The following DPY19L2 variants were observed in gnomAD, a reference collection of about 807,000 sequenced individuals.
DPY19L2 encodes dpy-19 like 2.
DPY19L2 carries 34 observed loss-of-function variants against 97.9 expected under a neutral mutation model. That is an observed-to-expected ratio of 0.35 (90% CI 0.26 to 0.46). DPY19L2 has a LOEUF of 0.46. DPY19L2 is among the 20% of genes least tolerant of loss of function. The pLI is 1.00. For missense variants in DPY19L2, 623 were observed against 911.4 expected, an observed-to-expected ratio of 0.68 and a Z score of 4.07; for synonymous variants, 230 against 307.9, an observed-to-expected ratio of 0.75 and a Z score of 2.65.
intron 19 of DPY19L2, among the ~76,000 whole-genome samples, chr12:63,576,988 G>A (rs1231806199): frequency 6.6e-6 from 1 of 152,006 alleles, no homozygotes; most frequent in Non-Finnish European, 1.5e-5. Flanking sequence ...GCTACCCTGA[G>A]CAAGAAGAAC....
At chr12:63,650,322 C>G (rs1894027035) in intron 4 of DPY19L2, among the ~76,000 whole-genome samples, 1 of 152,058 alleles carries the variant, frequency 6.6e-6, no homozygotes, top group African/African-American at 2.4e-5. Context: ...CCAGCCAGAG[C>G]AATCAGGCAA....
chr12:63,583,598 T>G (rs1881304712), intron 17 of DPY19L2, among the ~76,000 whole-genome samples: 1 of 152,340 alleles, frequency 6.6e-6, no homozygotes, highest in Admixed American at 6.5e-5. Context: ...AATTCTGTAC[T>G]ATAGTCATAA....
intron 12 of DPY19L2, among the ~76,000 whole-genome samples, chr12:63,603,932 A>T (rs1885607844): frequency 6.6e-6 from 1 of 152,208 alleles, no homozygotes; most frequent in Non-Finnish European, 1.5e-5. Flanking sequence ...GTACAAAAAC[A>T]GGCACATAGA....
intron 19 of DPY19L2, among the ~76,000 whole-genome samples, chr12:63,578,367 T>C (rs1488504054): frequency 6.6e-6 from 1 of 151,984 alleles, no homozygotes; most frequent in Non-Finnish European, 1.5e-5. Context: ...ACAAACAAAA[T>C]AGAATGGATA....
chr12:63,585,560 G>T (rs61935051), intron 16 of DPY19L2, among the ~76,000 whole-genome samples: 2 of 151,872 alleles, frequency 1.3e-5, no homozygotes, highest in African/African-American at 4.8e-5. Flanking sequence ...TTCTCCACTT[G>T]TCCCGAAATC....
At position 63,636,106 on chromosome 12, in the gene DPY19L2, G is replaced by C. The variant is rs569518983; in HGVS notation, c.803+8297C>G. On this transcript the variant is annotated intron_variant, in intron 6 of 21. Coordinates refer to ENST00000324472, the MANE Select transcript of DPY19L2 (RefSeq NM_173812.5). ...TGGCAGAAACTCTACAAGCCAGAAG[G>C]GGGGGCGGCCAATATTCAACATTCT... Among the ~76,000 whole-genome samples, 300 of 150,814 alleles carry C rather than the reference G, an allele frequency of 2.0e-3. 1 individual carries two copies. The highest frequency in any genetic ancestry group is 7.0e-3 in the African/African-American group (289 of 41,290).
chr12:63,615,688 A>C (rs1424264256), intron 11 of DPY19L2, among the ~76,000 whole-genome samples: 1 of 152,166 alleles, frequency 6.6e-6, no homozygotes, highest in African/African-American at 2.4e-5. Flanking sequence ...AAGTGATGAA[A>C]CTATAAAGGA....
At chr12:63,574,708 CAAAG>C (rs1205308530) in intron 19 of DPY19L2, among the ~76,000 whole-genome samples, 1 of 151,752 alleles carries the variant, frequency 6.6e-6, no homozygotes, top group Non-Finnish European at 1.5e-5. Flanking sequence ...TAAAAAGAGA[CAAAG>C]AAAGTCATTA....
intron 11 of DPY19L2, among the ~76,000 whole-genome samples, chr12:63,610,658 G>T (rs1396317507): frequency 6.7e-6 from 1 of 149,984 alleles, no homozygotes; most frequent in Non-Finnish European, 1.5e-5. Context: ...CGAACCAGAT[G>T]GCTTCACTGG....
At chr12:63,652,443 A>G (rs1009698128) in intron 4 of DPY19L2, among the ~76,000 whole-genome samples, 4 of 152,208 alleles carry the variant, frequency 2.6e-5, no homozygotes, top group Admixed American at 2.0e-4. Context: ...AAGGAATATA[A>G]ATTAGCCTAC....
Position 63,662,628 on chromosome 12 carries a change from C to T in DPY19L2, c.450+1130G>A, listed in dbSNP as rs1895826530. Among the ~76,000 whole-genome samples the T allele has an allele frequency of 3.3e-5, 5 of 152,212 alleles. No individual in the cohort carries two copies. In the South Asian group the frequency reaches 8.3e-4, roughly 25 times the overall value. Reference sequence around the variant, plus strand: ...TATTTCTATTGAGCAGACGAGATTACTGAGAATCTGAGAGGTGACCTGACT... The same window carrying T: ...TATTTCTATTGAGCAGACGAGATTATTGAGAATCTGAGAGGTGACCTGACT... On this transcript the variant is annotated intron_variant, in intron 3 of 21. Coordinates refer to ENST00000324472, the MANE Select transcript of DPY19L2 (RefSeq NM_173812.5).
chr12:63,626,201 C>T (rs1442195331), intron 7 of DPY19L2, among the ~76,000 whole-genome samples: 1 of 151,298 alleles, frequency 6.6e-6, no homozygotes, highest in Non-Finnish European at 1.5e-5. Context: ...TATGATTCAA[C>T]TCAACAAGTA....
At chr12:63,633,115 G>A (rs1156467366) in intron 6 of DPY19L2, among the ~76,000 whole-genome samples, 2 of 152,088 alleles carry the variant, frequency 1.3e-5, no homozygotes, top group Non-Finnish European at 2.9e-5. Flanking sequence ...AAAAACCCTA[G>A]AAGAAAACCT....
Position 63,573,562 on chromosome 12 carries a change from G to A in DPY19L2, c.1901-2705C>T, listed in dbSNP as rs1879282412. On this transcript the variant is annotated intron_variant, in intron 19 of 21. Coordinates refer to ENST00000324472, the MANE Select transcript of DPY19L2 (RefSeq NM_173812.5). The stretch of plus-strand genomic sequence containing the variant: ...TAACAGAGAACTTCTCAAAGCTAGA[G>A]AAAATATCAATATTCAAGCACAAGG... Among the ~76,000 whole-genome samples, 3 of 152,026 alleles carry A rather than the reference G, an allele frequency of 2.0e-5. No homozygotes were observed. The South Asian group carries it at 6.2e-4, about 32-fold the overall frequency.
intron 7 of DPY19L2, 85 bp from the exon 8 acceptor site, chr12:63,624,216 T>C (rs1889163582): frequency 1.0e-6 from 1 of 972,372 alleles, no homozygotes; most frequent in African/African-American, 1.6e-5. Flanking sequence ...TTTTAGTAAT[T>C]TTAATACTAG....
chr12:63,655,451 A>G (rs977117899), intron 4 of DPY19L2, among the ~76,000 whole-genome samples: 2 of 152,150 alleles, frequency 1.3e-5, no homozygotes, highest in African/African-American at 4.8e-5. Context: ...AATCAACTCC[A>G]TATTCCAGGA....
intron 4 of DPY19L2, among the ~76,000 whole-genome samples, chr12:63,654,214 C>T (rs1020074956): frequency 9.2e-5 from 14 of 151,778 alleles, no homozygotes; most frequent in African/African-American, 3.4e-4. Flanking sequence ...ATGTGTAAAA[C>T]GAGTTTAAAA....
At chr12:63,606,902 A>C (rs1244750584) in intron 12 of DPY19L2, among the ~76,000 whole-genome samples, 1 of 152,172 alleles carries the variant, frequency 6.6e-6, no homozygotes, top group African/African-American at 2.4e-5. Flanking sequence ...CCCATTAAAC[A>C]GTGAACTTGC....
intron 14 of DPY19L2, among the ~76,000 whole-genome samples, chr12:63,596,761 T>C (rs943085595): frequency 2.0e-5 from 3 of 152,188 alleles, no homozygotes; most frequent in African/African-American, 2.4e-5. Flanking sequence ...AACTTTGTTA[T>C]GTCCTATGAA....
Sources: gnomAD v4.1 joint callset for allele counts (sites outside exome capture counted in the v4.1 genomes callset) on GRCh38, gnomAD v4.1.1 for gene constraint, MANE v1.5 for transcripts, NCBI Gene and HGNC (gene_info 2026-07-23, HGNC 2026-07-21) for gene names.